The following MBTD1 variants were observed in gnomAD, a reference collection of about 807,000 sequenced individuals.
MBTD1 encodes the protein mbt domain containing 1, also known as MBT domain-containing protein 1.
Under a neutral mutation model 87.8 loss-of-function variants are expected in MBTD1, and 24 were observed. That is an observed-to-expected ratio of 0.27 (90% CI 0.20 to 0.38). The LOEUF (loss-of-function observed/expected upper bound fraction) is 0.38, where lower values mean the gene tolerates loss of function less well. MBTD1 is among the 10% of genes least tolerant of loss of function. The probability of loss-of-function intolerance (pLI) is 1.00; values close to 1 mark genes in which losing one functional copy is unlikely to be tolerated. For missense variants in MBTD1, 436 were observed against 760.2 expected (o/e 0.57, Z 5.02); for synonymous variants, 237 against 248.6 (o/e 0.95, Z 0.44).
At chr17:51,260,914 G>C (rs8907), upstream of MBTD1, 1 of 1,585,146 alleles carries the variant, frequency 6.3e-7, no homozygotes, top group Non-Finnish European at 8.6e-7. Context: ...TGCGGCGTCT[G>C]CGAGGCCCGA....
At chr17:51,222,220 C>T (rs1296165738) in intron 3 of MBTD1, among the ~76,000 whole-genome samples, 1 of 152,186 alleles carries the variant, frequency 6.6e-6, no homozygotes, top group Non-Finnish European at 1.5e-5. Context: ...TGCTAGCACA[C>T]ACAAAGCTTC....
In MBTD1 at chr17:51,188,517, C is replaced by T. The variant is rs528046401; in HGVS notation, c.1768+3686G>A. Among the ~76,000 whole-genome samples, 317 of 152,194 alleles carry T rather than the reference C, an allele frequency of 2.1e-3. 1 individual carries two copies. Among genetic ancestry groups the T allele is most frequent in the African/African-American group, 7.3e-3 (305 of 41,516 alleles). On this transcript the variant is annotated intron_variant, in intron 16 of 16. Coordinates refer to ENST00000586178, the MANE Select transcript of MBTD1 (RefSeq NM_017643.3). Reference sequence around the variant, plus strand: ...GAATATGATAACCTACCAAGGCAAACGTAAAAACAAAAGGTTTTATAGCCC... The same window carrying T: ...GAATATGATAACCTACCAAGGCAAATGTAAAAACAAAAGGTTTTATAGCCC...
chr17:51,185,979 T>C (rs2050516598), intron 16 of MBTD1: 1 of 152,666 alleles, frequency 6.6e-6, no homozygotes, highest in African/African-American at 2.4e-5. Flanking sequence ...CCCTACCCAG[T>C]ACTTTTACCC....
At chr17:51,234,057 C>CA (rs950489474) in intron 2 of MBTD1, among the ~76,000 whole-genome samples, 81 of 150,988 alleles carry the variant, frequency 5.4e-4, no homozygotes, top group African/African-American at 1.8e-3. Context: ...ATAGGAAAAA[C>CA]AAAAAAAAGA....
At chr17:51,239,547 T>C (rs1262881200) in intron 2 of MBTD1, among the ~76,000 whole-genome samples, 1 of 152,182 alleles carries the variant, frequency 6.6e-6, no homozygotes, top group Non-Finnish European at 1.5e-5. Context: ...CTTTAAGCCC[T>C]TTTACCTCTA....
intron 6 of MBTD1, among the ~76,000 whole-genome samples, chr17:51,216,366 AG>A (rs1426854034): frequency 6.6e-6 from 1 of 152,256 alleles, no homozygotes; most frequent in African/African-American, 2.4e-5. Flanking sequence ...AGGTTAAACA[AG>A]TATTGGACAG....
chr17:51,190,611 A>G (rs2050745438), intron 16 of MBTD1, among the ~76,000 whole-genome samples: 1 of 147,988 alleles, frequency 6.8e-6, no homozygotes, highest in Non-Finnish European at 1.5e-5. Context: ...AGTCCCAGCT[A>G]CTCCAGGGGC....
chr17:51,221,479 A>C (rs996147009), intron 3 of MBTD1, among the ~76,000 whole-genome samples: 1 of 152,216 alleles, frequency 6.6e-6, no homozygotes, highest in African/African-American at 2.4e-5. Context: ...AAAAAAGATA[A>C]ACAAAAAGTA....
rs960971313 is a variant in MBTD1 at position 51,235,410 on chromosome 17, T to A, written c.-48-10201A>T. Among the ~76,000 whole-genome samples the A allele has an allele frequency of 3.9e-4, 59 of 152,202 alleles. 1 individual carries two copies. Among genetic ancestry groups the A allele is most frequent in the Non-Finnish European group, 1.3e-4 (9 of 68,030 alleles). On this transcript the variant is annotated intron_variant, in intron 2 of 16. Coordinates refer to ENST00000586178, the MANE Select transcript of MBTD1 (RefSeq NM_017643.3). ...ACCTCAGCCTCCCAAAGTGCTGGAA[T>A]TACAGGTGTGACCCATTATGCCCAG...
At chr17:51,205,083 G>C (rs2051742067) in intron 7 of MBTD1, among the ~76,000 whole-genome samples, 1 of 152,164 alleles carries the variant, frequency 6.6e-6, no homozygotes, top group African/African-American at 2.4e-5. Flanking sequence ...GTTGATAAAA[G>C]ATTACGATTT....
intron 16 of MBTD1, chr17:51,184,271 G>A (rs1435288266): frequency 6.6e-6 from 1 of 152,204 alleles, no homozygotes; most frequent in Non-Finnish European, 1.5e-5. Context: ...AACAGATCCT[G>A]TGGTTGAATG....
At chr17:51,226,269 T>C (rs2053211216) in intron 2 of MBTD1, among the ~76,000 whole-genome samples, 1 of 151,062 alleles carries the variant, frequency 6.6e-6, no homozygotes, top group Admixed American at 6.6e-5. Flanking sequence ...CCCAGCACTT[T>C]GGGAGGCCGA....
intron 16 of MBTD1, among the ~76,000 whole-genome samples, chr17:51,187,747 G>C (rs1235270126): frequency 6.6e-6 from 1 of 151,852 alleles, no homozygotes; most frequent in African/African-American, 2.4e-5. Context: ...TACTTGGGAG[G>C]CTGAAGCAGG....
intron 9 of MBTD1, 99 bp downstream of exon 9, chr17:51,203,041 G>T: frequency 7.9e-7 from 1 of 1,262,744 alleles, no homozygotes; most frequent in Non-Finnish European, 1.1e-6. Flanking sequence ...ATGTAACACA[G>T]ATCATCTGGT....
chr17:51,259,963 C>T lies in MBTD1; in HGVS notation c.-241G>A. The T allele has an allele frequency of 4.0e-6, 4 of 1,007,500 alleles. No individual in the cohort carries two copies. Among genetic ancestry groups the T allele is most frequent in the Non-Finnish European group, 5.1e-6 (4 of 783,252 alleles). 62.4% of individuals were successfully genotyped at this position (1,007,500 alleles called of 1,614,324 possible). A position where few individuals can be genotyped will look rare whatever the true frequency, so the allele number is the denominator to read the frequency against. ...GGGACTGCGGCGACTACAGGGGGCC[C>T]CCGGCTGGGCCCAGACCGGTGGCGG... is the stretch of plus-strand genomic sequence containing the variant. On this transcript the variant is annotated 5_prime_UTR_variant, in exon 1 of 17. Transcript: ENST00000586178.
chr17:51,225,274 A>T, intron 2 of MBTD1, 65 bp from the exon 3 acceptor site: 1 of 764,976 alleles, frequency 1.3e-6, no homozygotes, highest in African/African-American at 1.8e-5. Flanking sequence ...AAAAGACCCT[A>T]GCACAAATTC....
intron 2 of MBTD1, among the ~76,000 whole-genome samples, chr17:51,231,985 C>T (rs976851019): frequency 1.3e-5 from 2 of 151,992 alleles, no homozygotes; most frequent in African/African-American, 4.8e-5. Context: ...TAACTGGAAA[C>T]TCCTACATTA....
chr17:51,218,675 T>C lies in MBTD1; in HGVS notation c.403+255A>G, dbSNP rs193141259. Among the ~76,000 whole-genome samples the C allele has an allele frequency of 2.5e-4, 38 of 152,246 alleles. No homozygotes were observed. The Middle Eastern group carries it at 0.014, about 55-fold the overall frequency. On this transcript the variant is annotated intron_variant, in intron 5 of 16. Coordinates refer to ENST00000586178, the MANE Select transcript of MBTD1 (RefSeq NM_017643.3). ...ATATCTTCACAATTCAAAGAATCTG[T>C]ACATGAAAAGTAAATAATAAACCAA...
intron 6 of MBTD1, among the ~76,000 whole-genome samples, chr17:51,213,196 G>GC (rs2052358604): frequency 6.6e-6 from 1 of 151,914 alleles, no homozygotes; most frequent in Non-Finnish European, 1.5e-5. Context: ...GTGCCACCAT[G>GC]CCCAGCTAAT....
Sources: gnomAD v4.1 joint callset for allele counts (sites outside exome capture counted in the v4.1 genomes callset) on GRCh38, gnomAD v4.1.1 for gene constraint, MANE v1.5 for transcripts, NCBI Gene and HGNC (gene_info 2026-07-23, HGNC 2026-07-21) for gene names.